Variants in VPS26A observed in about 807,000 individuals in gnomAD.
VPS26A encodes the protein VPS26 retromer complex component A, also known as vacuolar protein sorting-associated protein 26A.
VPS26A carries 22 observed loss-of-function variants against 42.4 expected under a neutral mutation model. The ratio of observed to expected loss-of-function variants is 0.52; its 90% CI spans 0.37 to 0.74. The LOEUF is 0.74. VPS26A is among the 30% of genes least tolerant of loss of function. VPS26A has a pLI of 0.00. For missense variants in VPS26A, 276 were observed against 379.2 expected (o/e 0.73, Z 2.26); for synonymous variants, 110 against 123.5 (o/e 0.89, Z 0.73).
In VPS26A at chr10:69,168,175, A is replaced by G. The variant is rs111513230; in HGVS notation, c.728-314A>G. Among the ~76,000 whole-genome samples the G allele has an allele frequency of 2.5e-3, 374 of 152,320 alleles. 2 individuals carry two copies. Among genetic ancestry groups the G allele is most frequent in the Middle Eastern group, 6.8e-3 (2 of 294 alleles). On this transcript the variant is annotated intron_variant, in intron 7 of 8. Transcript: ENST00000263559. ...GAACAGTAGTTCTCGTCTAGGGGCAACTTCACCTCACAATGAATGTTTGGT... is the reference window on the plus strand; with the variant it reads ...GAACAGTAGTTCTCGTCTAGGGGCAGCTTCACCTCACAATGAATGTTTGGT...
chr10:69,142,955 TGA>T (rs1841076320), intron 2 of VPS26A, among the ~76,000 whole-genome samples: 1 of 152,108 alleles, frequency 6.6e-6, no homozygotes, highest in South Asian at 2.1e-4. Flanking sequence ...TTGTGGAAAA[TGA>T]GAGAGGTTCT....
intron 2 of VPS26A, among the ~76,000 whole-genome samples, chr10:69,136,269 CTT>C (rs758313238): frequency 7.0e-5 from 10 of 142,092 alleles, no homozygotes; most frequent in East Asian, 2.0e-4. Context: ...CTTTTCTTTT[CTT>C]TTTTTTTTTT....
rs113048328 is a variant in VPS26A at position 69,166,658 on chromosome 10, C to G, written c.727+548C>G. Among the ~76,000 whole-genome samples, 312 of 151,390 alleles carry G rather than the reference C, an allele frequency of 2.1e-3. 1 individual carries two copies. The highest frequency in any genetic ancestry group is 0.016 in the South Asian group (78 of 4,768). On this transcript the variant is annotated intron_variant, in intron 7 of 8. Coordinates refer to ENST00000263559, the MANE Select transcript of VPS26A (RefSeq NM_004896.5). ...CCAAGTGTAGATGAGGCAATGTAAT[C>G]TTAGGTGCTCTAAAACTCTTTGAGC...
chr10:69,164,198 A>G (rs1841630165), intron 6 of VPS26A, among the ~76,000 whole-genome samples: 1 of 150,890 alleles, frequency 6.6e-6, no homozygotes, highest in African/African-American at 2.4e-5. Flanking sequence ...GAAACTATAT[A>G]TTAGAGAAAT....
intron 5 of VPS26A, among the ~76,000 whole-genome samples, chr10:69,159,045 A>C (rs1039366225): frequency 2.0e-5 from 3 of 152,206 alleles, no homozygotes; most frequent in Non-Finnish European, 4.4e-5. Context: ...TAAATAAATT[A>C]TGGTCCAGCC....
At chr10:69,138,869 TA>T (rs1840979359) in intron 2 of VPS26A, among the ~76,000 whole-genome samples, 1 of 152,174 alleles carries the variant, frequency 6.6e-6, no homozygotes, top group African/African-American at 2.4e-5. Flanking sequence ...ATTATATACA[TA>T]ATAGTCTCAG....
At chr10:69,124,633 C>T (rs1363555516) in intron 1 of VPS26A, among the ~76,000 whole-genome samples, 1 of 152,230 alleles carries the variant, frequency 6.6e-6, no homozygotes, top group Non-Finnish European at 1.5e-5. Flanking sequence ...CTGTTCTCCT[C>T]CCGGGCAGCC....
Position 69,172,829 on chromosome 10 carries a change from C to T in VPS26A, c.*1560C>T, listed in dbSNP as rs1254858569. 1 of 152,498 alleles carries T rather than the reference C, an allele frequency of 6.6e-6. No individual in the cohort carries two copies. The highest frequency in any genetic ancestry group is 2.4e-5 in the African/African-American group (1 of 41,430). 9.4% of individuals were successfully genotyped at this position (152,498 alleles called of 1,614,324 possible). On this transcript the variant is annotated 3_prime_UTR_variant, in exon 9 of 9. Transcript: ENST00000263559. ...ATTTAACCAGCCTCAAATTGTGCAA[C>T]CATGATGTATAATAAAGAATTTGAA... is the stretch of plus-strand genomic sequence containing the variant.
rs114634920 is a variant in VPS26A at position 69,153,743 on chromosome 10, G to A, written c.154-2069G>A. 5.3e-3 allele frequency among the ~76,000 whole-genome samples: 806 copies of A among 152,244 alleles called. 4 individuals carry two copies. The highest frequency in any genetic ancestry group is 0.019 in the African/African-American group (782 of 41,540). The stretch of plus-strand genomic sequence containing the variant: ...TGGCTGGGTATGGTCACTTGAGGCA[G>A]GAGGATTGCTTGAGGCCAGGTGTTC... On this transcript the variant is annotated intron_variant, in intron 2 of 8. Transcript: ENST00000263559.
In VPS26A at chr10:69,142,364, A is replaced by T. The variant is rs558134363; in HGVS notation, c.153+9317A>T. Among the ~76,000 whole-genome samples, 264 of 148,242 alleles carry T rather than the reference A, an allele frequency of 1.8e-3. 3 individuals carry two copies. Among genetic ancestry groups the T allele is most frequent in the South Asian group, 6.0e-3 (28 of 4,660 alleles). On this transcript the variant is annotated intron_variant, in intron 2 of 8. Coordinates refer to ENST00000263559, the MANE Select transcript of VPS26A (RefSeq NM_004896.5). ...CCACCCTGCCTGGCTAATTAAAAAA[A>T]TTTTTTTTTTTTATAGATAGGGTCT...
At chr10:69,140,917 C>G (rs1458251542) in intron 2 of VPS26A, among the ~76,000 whole-genome samples, 1 of 152,178 alleles carries the variant, frequency 6.6e-6, no homozygotes, top group East Asian at 1.9e-4. Flanking sequence ...ATTCCTCCTG[C>G]ACAACCCTAG....
intron 7 of VPS26A, among the ~76,000 whole-genome samples, chr10:69,167,193 G>A (rs1229922242): frequency 6.6e-6 from 1 of 152,020 alleles, no homozygotes; most frequent in African/African-American, 2.4e-5. Flanking sequence ...ATTTTGGGAG[G>A]CCAAAGTGGG....
At chr10:69,127,727 CTTTTTT>C (rs572346560) in intron 1 of VPS26A, among the ~76,000 whole-genome samples, 2 of 85,066 alleles carry the variant, frequency 2.4e-5, no homozygotes, top group Non-Finnish European at 2.2e-5. Flanking sequence ...TTAAAAATAT[CTTTTTT>C]TTTTTTTTTT....
chr10:69,171,136 A>G lies in VPS26A; in HGVS notation c.871-20A>G, dbSNP rs1202783696. 2.5e-6 allele frequency: 4 copies of G among 1,575,760 alleles called. No individual in the cohort carries two copies. The highest frequency in any genetic ancestry group is 2.6e-6 in the Non-Finnish European group (3 of 1,151,872). On this transcript the variant is annotated intron_variant, in intron 8 of 8. Transcript: ENST00000263559. ...TCATATCAAACATTAATTTGTTAAT[A>G]TCTTGCATTTGTTTACTAGGAGATA...
At chr10:69,159,210 G>A (rs763709575) in intron 5 of VPS26A, among the ~76,000 whole-genome samples, 6 of 151,980 alleles carry the variant, frequency 3.9e-5, no homozygotes, top group Non-Finnish European at 7.4e-5. Flanking sequence ...GAGAAACTCC[G>A]TCTCCACTGA....
chr10:69,151,281 AAAC>A (rs1841307672), intron 2 of VPS26A, among the ~76,000 whole-genome samples: 2 of 146,970 alleles, frequency 1.4e-5, no homozygotes, highest in East Asian at 2.0e-4. Flanking sequence ...AAAAAAAAAA[AAAC>A]ACACACACAC....
chr10:69,137,986 A>T (rs1000225815), intron 2 of VPS26A, among the ~76,000 whole-genome samples: 1 of 152,008 alleles, frequency 6.6e-6, no homozygotes, highest in Non-Finnish European at 1.5e-5. Context: ...TTACTCCAGA[A>T]ATTTTTAAAA....
chr10:69,143,830 C>T (rs1168154496), intron 2 of VPS26A, among the ~76,000 whole-genome samples: 1 of 152,130 alleles, frequency 6.6e-6, no homozygotes, highest in Non-Finnish European at 1.5e-5. Context: ...GATCCTCTCA[C>T]CTCAGCCTCC....
chr10:69,126,946 A>T (rs1018429403), intron 1 of VPS26A, among the ~76,000 whole-genome samples: 2 of 151,446 alleles, frequency 1.3e-5, no homozygotes, highest in Non-Finnish European at 2.9e-5. Flanking sequence ...TTTTAGTAAG[A>T]CTAGTTCTTT....
Sources: gnomAD v4.1 joint callset for allele counts (sites outside exome capture counted in the v4.1 genomes callset) on GRCh38, gnomAD v4.1.1 for gene constraint, MANE v1.5 for transcripts, NCBI Gene and HGNC (gene_info 2026-07-23, HGNC 2026-07-21) for gene names.